The following NRXN3 variants were observed in gnomAD, a reference collection of about 807,000 sequenced individuals.
NRXN3 encodes the protein neurexin 3, also known as neurexin III.
NRXN3 carries 32 observed loss-of-function variants against 137.6 expected under a neutral mutation model. The observed-to-expected ratio is 0.23, with a 90% CI of 0.18 to 0.31. The LOEUF (loss-of-function observed/expected upper bound fraction) is 0.31. Ranked by LOEUF, NRXN3 falls within the 10% of genes least tolerant of loss-of-function variation. The probability of loss-of-function intolerance (pLI) is 1.00; values close to 1 mark genes in which losing one functional copy is unlikely to be tolerated. For missense variants in NRXN3, 1,574 were observed against 2,062.5 expected, an observed-to-expected ratio of 0.76 and a Z score of 4.59; for synonymous variants, 798 against 784.5, an observed-to-expected ratio of 1.02 and a Z score of -0.29.
At chr14:78,647,171 T>C (rs890863370) in intron 5 of NRXN3, among the ~76,000 whole-genome samples, 2 of 152,246 alleles carry the variant, frequency 1.3e-5, no homozygotes, top group African/African-American at 4.8e-5. Flanking sequence ...TCTAAAATAG[T>C]ATCAGGCACA....
rs144659421 is a variant in NRXN3 at position 78,793,896 on chromosome 14, G to A, written c.2045-9724G>A. Among the ~76,000 whole-genome samples the A allele has an allele frequency of 3.1e-3, 479 of 152,236 alleles. 2 individuals are homozygous for A. The highest frequency in any genetic ancestry group is 0.011 in the African/African-American group (452 of 41,528). On this transcript the variant is annotated intron_variant, in intron 8 of 20. Coordinates refer to ENST00000335750, the MANE Select transcript of NRXN3 (RefSeq NM_001330195.2). Reference sequence around the variant, plus strand: ...CACAGGAGCTGGTGAAGGGCCAGTCGTGCAAATAGGCCTTTCTTGGGAGTG... The same window carrying A: ...CACAGGAGCTGGTGAAGGGCCAGTCATGCAAATAGGCCTTTCTTGGGAGTG...
At chr14:79,292,172 C>T (rs1221359314) in intron 15 of NRXN3, among the ~76,000 whole-genome samples, 2 of 152,186 alleles carry the variant, frequency 1.3e-5, no homozygotes, top group African/African-American at 4.8e-5. Flanking sequence ...CAGAATGCTT[C>T]CCTAGATTCA....
intron 15 of NRXN3, among the ~76,000 whole-genome samples, chr14:79,328,568 G>A (rs1025504207): frequency 3.9e-5 from 6 of 152,098 alleles, no homozygotes; most frequent in Admixed American, 6.6e-5. Flanking sequence ...TTTTTCCATG[G>A]TTTCTCTCTC....
At chr14:78,614,073 C>T (rs759045182) in intron 4 of NRXN3, among the ~76,000 whole-genome samples, 6 of 152,060 alleles carry the variant, frequency 3.9e-5, no homozygotes, top group South Asian at 2.1e-4. Context: ...ACATCAGTGC[C>T]GTCCAAGAGC....
intron 9 of NRXN3, among the ~76,000 whole-genome samples, chr14:78,804,303 T>C (rs2153083047): frequency 6.6e-6 from 1 of 152,318 alleles, no homozygotes; most frequent in East Asian, 1.9e-4. Context: ...CCACAGCTAC[T>C]ATTCAAATGG....
intron 4 of NRXN3, among the ~76,000 whole-genome samples, chr14:78,574,428 G>A (rs150432497): frequency 6.6e-6 from 1 of 152,326 alleles, no homozygotes; most frequent in East Asian, 1.9e-4. Flanking sequence ...GCCGAAAGAG[G>A]GGCTGTATCC....
chr14:79,280,372 A>G (rs1238448839), intron 15 of NRXN3: 1 of 1,613,912 alleles, frequency 6.2e-7, no homozygotes, highest in Non-Finnish European at 8.5e-7. Context: ...TGTTCTGGGG[A>G]TGTATCGTCA....
At chr14:78,599,868 G>A (rs538727277) in intron 4 of NRXN3, among the ~76,000 whole-genome samples, 115 of 152,352 alleles carry the variant, frequency 7.5e-4, no homozygotes, top group African/African-American at 2.7e-3. Flanking sequence ...CTTGCTGCCT[G>A]GTGGTGGGGA....
At chr14:78,832,242 C>A (rs2098984571) in intron 10 of NRXN3, among the ~76,000 whole-genome samples, 1 of 152,104 alleles carries the variant, frequency 6.6e-6, no homozygotes, top group African/African-American at 2.4e-5. Flanking sequence ...ATGATGGCTA[C>A]TTCAAGAAGT....
intron 16 of NRXN3, among the ~76,000 whole-genome samples, chr14:79,492,018 C>T (rs962248030): frequency 3.3e-5 from 5 of 152,230 alleles, no homozygotes; most frequent in Admixed American, 6.5e-5. Context: ...CCTGCTTTCT[C>T]GTAGATGAAT....
At chr14:78,448,499 G>A (rs1187197974) in intron 4 of NRXN3, among the ~76,000 whole-genome samples, 1 of 152,166 alleles carries the variant, frequency 6.6e-6, no homozygotes, top group Non-Finnish European at 1.5e-5. Context: ...GCTAAAACAC[G>A]TTTTTTTCAC....
chr14:79,565,118 C>T (rs1007148060), intron 16 of NRXN3, among the ~76,000 whole-genome samples: 1 of 151,400 alleles, frequency 6.6e-6, no homozygotes, highest in African/African-American at 2.4e-5. Flanking sequence ...AATTTTATAG[C>T]ATTTATATTT....
At chr14:78,893,457 G>A (rs937798782) in intron 10 of NRXN3, among the ~76,000 whole-genome samples, 8 of 152,002 alleles carry the variant, frequency 5.3e-5, no homozygotes, top group African/African-American at 1.2e-4. Flanking sequence ...GAAGGTGAAA[G>A]TCAATTGGTA....
Position 79,867,844 on chromosome 14 carries a change from G to A in NRXN3, c.*5880G>A, listed in dbSNP as rs2099418639. 6.6e-6 allele frequency: 1 copy of A among 152,124 alleles called. No homozygotes were observed. Among genetic ancestry groups the A allele is most frequent in the Admixed American group, 6.6e-5 (1 of 15,264 alleles). The allele number at this position is 152,124 out of a possible 1,614,324, so 9.4% of individuals were successfully genotyped here. ...CGTGAGTAGGGCCCAGGATAGAAGA[G>A]CAGTGTTAGGGTTGCATGAGAGTGA... On this transcript the variant is annotated 3_prime_UTR_variant, in exon 21 of 21. Coordinates refer to ENST00000335750, the MANE Select transcript of NRXN3 (RefSeq NM_001330195.2).
Position 79,135,719 on chromosome 14 carries a change from A to G in NRXN3, c.3262+147578A>G, listed in dbSNP as rs191866951. 3.7e-3 allele frequency among the ~76,000 whole-genome samples: 568 copies of G among 152,362 alleles called. 2 individuals are homozygous for G. Among genetic ancestry groups the G allele is most frequent in the African/African-American group, 0.013 (545 of 41,592 alleles). The stretch of plus-strand genomic sequence containing the variant: ...GCAAAGATCTGAATAATAATCAGTT[A>G]TCATTTGCAGAGATAATTCAAATGA... On this transcript the variant is annotated intron_variant, in intron 15 of 20. Coordinates refer to ENST00000335750, the MANE Select transcript of NRXN3 (RefSeq NM_001330195.2).
At chr14:79,537,928 T>C (rs1289678459) in intron 16 of NRXN3, among the ~76,000 whole-genome samples, 1 of 152,216 alleles carries the variant, frequency 6.6e-6, no homozygotes, top group African/African-American at 2.4e-5. Context: ...AGTGTTCCTA[T>C]TTCTCCACAT....
At chr14:78,895,925 T>C (rs2099172834) in intron 10 of NRXN3, among the ~76,000 whole-genome samples, 1 of 151,830 alleles carries the variant, frequency 6.6e-6, no homozygotes, top group African/African-American at 2.4e-5. Context: ...TTGTGTTGCC[T>C]TCAAAGAATT....
At chr14:79,658,897 C>T (rs7146736) in intron 16 of NRXN3, among the ~76,000 whole-genome samples, 4,869 of 152,228 alleles carry the variant, frequency 0.032, 237 homozygotes, top group African/African-American at 0.11. Context: ...TCTAAAATAG[C>T]GGATGATGCA....
chr14:78,647,031 A>T (rs148785459), intron 5 of NRXN3, among the ~76,000 whole-genome samples: 5 of 152,332 alleles, frequency 3.3e-5, no homozygotes, highest in African/African-American at 1.2e-4. Context: ...CATGTACTTC[A>T]GAGCACAATC....
Sources: allele counts gnomAD v4.1 joint callset (sites outside exome capture counted in the v4.1 genomes callset), GRCh38; gene constraint gnomAD v4.1.1; transcripts MANE v1.5; gene names NCBI Gene and HGNC (gene_info 2026-07-23, HGNC 2026-07-21).